ZNF827: variants seen among roughly 807,000 people sequenced by gnomAD.
The protein encoded by ZNF827 is zinc finger protein 827.
Under a neutral mutation model 102.4 loss-of-function variants are expected in ZNF827, and 13 were observed. The ratio of observed to expected loss-of-function variants is 0.13; its 90% CI spans 0.08 to 0.20. The LOEUF (loss-of-function observed/expected upper bound fraction) is 0.20. Among genes scored for constraint, ZNF827 ranks in the 10% least tolerant of loss-of-function variants. ZNF827 has a pLI of 1.00. For synonymous variants in ZNF827, 523 were observed against 536.2 expected (o/e 0.98, Z 0.34); for missense variants, 1,103 against 1,344.4 (o/e 0.82, Z 2.81).
At chr4:145,829,385 T>C (rs1743982867) in intron 7 of ZNF827, among the ~76,000 whole-genome samples, 2 of 152,156 alleles carry the variant, frequency 1.3e-5, no homozygotes, top group Admixed American at 6.5e-5. Flanking sequence ...ATTACCTTAG[T>C]AGATTTTTTT....
At chr4:145,913,379 C>A (rs536270670) in intron 1 of ZNF827, among the ~76,000 whole-genome samples, 1 of 141,240 alleles carries the variant, frequency 7.1e-6, no homozygotes, top group African/African-American at 2.7e-5. Context: ...TGAGTCACGA[C>A]TGCACCACTG....
At chr4:145,928,363 T>C (rs1753580563) in intron 1 of ZNF827, among the ~76,000 whole-genome samples, 1 of 152,206 alleles carries the variant, frequency 6.6e-6, no homozygotes. Context: ...TCCCAGGTGA[T>C]TCTAATACAT....
rs1182418467 is a variant in ZNF827 at position 145,760,794 on chromosome 4, T to G, written c.*822A>C. ...ATGGCTGCCCTCAGACAGTCTCTGCTCTTTCTCTCAGTCCGAGATAGGCCA... is the reference window on the plus strand; with the variant it reads ...ATGGCTGCCCTCAGACAGTCTCTGCGCTTTCTCTCAGTCCGAGATAGGCCA... On this transcript the variant is annotated 3_prime_UTR_variant, in exon 15 of 15. Transcript: ENST00000508784. 8.5e-7 allele frequency: 1 copy of G among 1,175,242 alleles called. No individual in the cohort carries two copies. The highest frequency in any genetic ancestry group is 1.6e-5 in the African/African-American group (1 of 61,956). 72.8% of individuals were successfully genotyped at this position (1,175,242 alleles called of 1,614,324 possible).
At chr4:145,850,342 C>T (rs1386024731) in intron 5 of ZNF827, among the ~76,000 whole-genome samples, 1 of 152,128 alleles carries the variant, frequency 6.6e-6, no homozygotes, top group Non-Finnish European at 1.5e-5. Flanking sequence ...TGACCAATTG[C>T]TTTTCTCTCT....
At chr4:145,856,143 C>A (rs1324051576) in intron 5 of ZNF827, among the ~76,000 whole-genome samples, 7 of 151,934 alleles carry the variant, frequency 4.6e-5, no homozygotes, top group Non-Finnish European at 2.9e-5. Context: ...TACAGTCTTG[C>A]GCCACCATGC....
At chr4:145,918,725 C>G (rs1357663981) in intron 1 of ZNF827, among the ~76,000 whole-genome samples, 1 of 152,150 alleles carries the variant, frequency 6.6e-6, no homozygotes, top group Non-Finnish European at 1.5e-5. Flanking sequence ...CAGCTCTCAC[C>G]CCAGCACACA....
chr4:145,899,902 A>G (rs1429523784), intron 2 of ZNF827, among the ~76,000 whole-genome samples: 1 of 152,184 alleles, frequency 6.6e-6, no homozygotes, highest in African/African-American at 2.4e-5. Flanking sequence ...CCTTGATTAA[A>G]ATATTAAGTG....
At chr4:145,774,714 T>TA in intron 10 of ZNF827, 42 bp from the exon 11 acceptor site, 3 of 1,592,396 alleles carry the variant, frequency 1.9e-6, no homozygotes, top group Non-Finnish European at 2.6e-6. Flanking sequence ...GAGAAAAGGG[T>TA]GACACATACT....
intron 8 of ZNF827, among the ~76,000 whole-genome samples, chr4:145,803,383 G>GAA (rs139355985): frequency 6.7e-6 from 1 of 149,554 alleles, no homozygotes; most frequent in African/African-American, 2.5e-5. Flanking sequence ...TCAGCAATTT[G>GAA]AAAAAAAAAT....
intron 5 of ZNF827, among the ~76,000 whole-genome samples, chr4:145,860,855 T>C (rs1252956130): frequency 6.6e-6 from 1 of 152,248 alleles, no homozygotes; most frequent in Non-Finnish European, 1.5e-5. Context: ...GTAAGAATCC[T>C]AAAAGCCATA....
Position 145,761,792 on chromosome 4 carries a change from C to T in ZNF827, c.*18-194G>A, listed in dbSNP as rs1371916050. ...GCTCTCCCTGCTGACAGAGCAGTCCCCGCTGACAAGCAGCTCTGGCAAGGT... is the reference window on the plus strand; with the variant it reads ...GCTCTCCCTGCTGACAGAGCAGTCCTCGCTGACAAGCAGCTCTGGCAAGGT... On this transcript the variant is annotated intron_variant, in intron 14 of 14. Coordinates refer to ENST00000508784, the MANE Select transcript of ZNF827 (RefSeq NM_001306215.2). This position sits in a 1 kb window ranked among gnomAD's most constrained non-coding sequence, Gnocchi z 6.8. Among the ~76,000 whole-genome samples, 4 of 152,212 alleles carry T rather than the reference C, an allele frequency of 2.6e-5. No homozygotes were observed. The highest frequency in any genetic ancestry group is 5.9e-5 in the Non-Finnish European group (4 of 68,030).
chr4:145,902,676 T>C lies in ZNF827; in HGVS notation c.583A>G (p.Lys195Glu), dbSNP rs1751520574. The C allele has an allele frequency of 6.2e-7, 1 of 1,614,024 alleles. No individual in the cohort carries two copies. Among genetic ancestry groups the C allele is most frequent in the Non-Finnish European group, 8.5e-7 (1 of 1,180,038 alleles). ...GTGGTGGTTGAGTTTGGCAACCACT[T>C]ACCTTGATTCCATATAAAACGGTTA... ...PSNRFIWNQG[K>E]WLPNSTTTCS... The change falls in exon 2 of 15, where the codon AAG becomes GAG. Residue 195 changes from lysine to glutamate, a missense_variant. Lys to Glu is a moderately conservative substitution (Grantham distance 56, BLOSUM62 1). This residue lies in a region of ZNF827 where 441 missense variants were observed against 458.6 expected (regional missense o/e 0.96). Transcript: ENST00000508784. The surrounding 1 kb of genome is among the most constrained non-coding windows in gnomAD (Gnocchi z 4.3).
At chr4:145,859,482 T>C (rs549265156) in intron 5 of ZNF827, among the ~76,000 whole-genome samples, 1 of 152,170 alleles carries the variant, frequency 6.6e-6, no homozygotes, top group South Asian at 2.1e-4. Flanking sequence ...GTGGGAGTCG[T>C]TGGACTGTGG....
chr4:145,878,597 CAGGACAGGAA>C lies in ZNF827; in HGVS notation c.1747+7071_1747+7080del, dbSNP rs1304269682. 3.7e-3 allele frequency among the ~76,000 whole-genome samples: 412 copies of C among 110,958 alleles called. 1 individual carries two copies. Among genetic ancestry groups the C allele is most frequent in the South Asian group, 5.5e-3 (19 of 3,426 alleles). The allele number at this position is 110,958 out of a possible 152,430, so 72.8% of individuals were successfully genotyped here. On this transcript the variant is annotated intron_variant, in intron 4 of 14. Transcript: ENST00000508784. Reference sequence around the variant, plus strand: ...CAGGACAGGACAGGACAGGACAGGACAGGACAGGAAAGGAAAGGAAAGGAAAGGAAAGGAA... The same window carrying C: ...CAGGACAGGACAGGACAGGACAGGACAGGAAAGGAAAGGAAAGGAAAGGAA...
At chr4:145,920,871 T>C (rs1219850738) in intron 1 of ZNF827, among the ~76,000 whole-genome samples, 2 of 152,254 alleles carry the variant, frequency 1.3e-5, no homozygotes, top group East Asian at 1.9e-4. Context: ...GCACTATTTA[T>C]TGACCACCTA....
intron 8 of ZNF827, among the ~76,000 whole-genome samples, chr4:145,816,539 G>A (rs545131772): frequency 4.6e-5 from 7 of 152,300 alleles, no homozygotes; most frequent in South Asian, 2.1e-4. Context: ...AGCTGACAGT[G>A]CCTAATGAAA....
chr4:145,862,307 T>C (rs976742695), intron 5 of ZNF827, among the ~76,000 whole-genome samples: 1 of 152,208 alleles, frequency 6.6e-6, no homozygotes, highest in Non-Finnish European at 1.5e-5. Flanking sequence ...TTAACAATAC[T>C]GCTGTCTAGC....
chr4:145,834,690 T>C (rs1744627548), intron 7 of ZNF827, among the ~76,000 whole-genome samples: 1 of 152,150 alleles, frequency 6.6e-6, no homozygotes, highest in Non-Finnish European at 1.5e-5. Flanking sequence ...GCCCAGTTCA[T>C]GACTCGTTTG....
rs144054030 is a variant in ZNF827, at chr4:145,801,388, A to G, written c.2384-21877T>C. Among the ~76,000 whole-genome samples, 110 of 152,348 alleles carry G rather than the reference A, an allele frequency of 7.2e-4. No homozygotes were observed. In the East Asian group the frequency reaches 0.019, roughly 26 times the overall value. ...ACATGTAAGCTTTTAAAGCCCCATTATCATGTTCTTCTACCTTGATATCCC... is the reference window on the plus strand; with the variant it reads ...ACATGTAAGCTTTTAAAGCCCCATTGTCATGTTCTTCTACCTTGATATCCC... On this transcript the variant is annotated intron_variant, in intron 8 of 14. Transcript: ENST00000508784.
Sources: gnomAD v4.1 joint callset for allele counts (sites outside exome capture counted in the v4.1 genomes callset) on GRCh38, gnomAD v4.1.1 for gene constraint, gnomAD v4.1.1 regional missense constraint, Gnocchi (gnomAD v3.1) non-coding constraint, MANE v1.5 for transcripts, NCBI Gene and HGNC (gene_info 2026-07-23, HGNC 2026-07-21) for gene names.